MGAM: variants seen among roughly 807,000 people sequenced by gnomAD.
MGAM encodes maltase-glucoamylase, also known as alpha-1,4-glucosidase.
A neutral mutation model predicts 358.8 loss-of-function variants in MGAM; 253 were observed. The ratio of observed to expected loss-of-function variants is 0.71; its 90% CI spans 0.64 to 0.78. MGAM has a LOEUF of 0.78. Among genes scored for constraint, MGAM ranks in the 30% least tolerant of loss-of-function variants. The pLI, the probability that MGAM is intolerant of heterozygous loss-of-function variation, is 0.00. For synonymous variants in MGAM, 1,105 were observed against 1,227.1 expected (o/e 0.90, Z 2.08); for missense variants, 3,080 against 3,432.6 (o/e 0.90, Z 2.57).
Position 142,099,792 on chromosome 7 carries a change from A to G in MGAM, c.7874+55A>G, listed in dbSNP as rs139665007. 7.1e-4 allele frequency: 1,136 copies of G among 1,592,868 alleles called. 11 individuals carry two copies. In the African/African-American group the frequency reaches 0.013, roughly 19 times the overall value. On this transcript the variant is annotated intron_variant, in intron 67 of 70. Coordinates refer to ENST00000475668, the MANE Select transcript of MGAM (RefSeq NM_001365693.1). ...CATGTCAGTTAGCTCAACAATTTGT[A>G]ATGAAGTCCACCAAAATGTAAGCAT...
Position 142,086,322 on chromosome 7 carries a change from G to A in MGAM, c.6741G>A (p.Trp2247Ter). 2 of 1,529,958 alleles carry A rather than the reference G, an allele frequency of 1.3e-6. No individual in the cohort carries two copies. The highest frequency in any genetic ancestry group is 1.8e-6 in the Non-Finnish European group (2 of 1,117,174). 94.8% of individuals were successfully genotyped at this position (1,529,958 alleles called of 1,614,324 possible). A position where few individuals can be genotyped will look rare whatever the true frequency, so the allele number is the denominator to read the frequency against. Residue 2247 changes from tryptophan (W) to a stop codon, truncating the protein, a stop_gained, in exon 56 of 71, where the codon TGG (tryptophan) becomes TGA (stop). Coordinates refer to ENST00000475668, the MANE Select transcript of MGAM (RefSeq NM_001365693.1). LOFTEE classifies it high-confidence loss of function. ...IKYPNDGDIV[W>*]GKVWPDFPDV... The stretch of plus-strand genomic sequence containing the variant: ...ACCCAAATGATGGAGACATTGTCTG[G>A]GGAAAGGTATAATCCTAAGCGATGA...
At chr7:142,096,789 T>C (rs537022924) in intron 65 of MGAM, among the ~76,000 whole-genome samples, 1 of 152,342 alleles carries the variant, frequency 6.6e-6, no homozygotes. Context: ...TGCTTGGCAA[T>C]GTGTGTGTAC....
chr7:142,060,229 G>A (rs1295391057), intron 33 of MGAM, 82 bp from the exon 34 acceptor site: 16 of 1,556,322 alleles, frequency 1.0e-5, no homozygotes, highest in African/African-American at 2.7e-5. Context: ...CTAGGAGCAC[G>A]GTTTGTATAA....
intron 7 of MGAM, among the ~76,000 whole-genome samples, chr7:142,023,955 T>C (rs10269815): frequency 0.027 from 4,158 of 152,192 alleles, 141 homozygotes; most frequent in African/African-American, 0.076. Flanking sequence ...CATTTAGGGC[T>C]GGGAGCAGTG....
intron 40 of MGAM, 46 bp downstream of exon 40, chr7:142,065,877 A>G: frequency 7.3e-7 from 1 of 1,374,358 alleles, no homozygotes; most frequent in Non-Finnish European, 1.0e-6. Flanking sequence ...CACTTGAAAG[A>G]CAGTCTCCAT....
At chr7:142,043,625 A>G (rs1474951771) in intron 21 of MGAM, among the ~76,000 whole-genome samples, 1 of 118,734 alleles carries the variant, frequency 8.4e-6, no homozygotes, top group African/African-American at 4.3e-5. Context: ...TATAATACAT[A>G]TATTATATAT....
In MGAM at chr7:142,027,729, C is replaced by A. The variant is rs782023967; in HGVS notation, c.1215C>A (p.Leu405=). ...EVVERNRAAQ[L]PYDVQHADID... is the part of the protein sequence containing the mutation. ...TGGAGAGAAATCGCGCAGCACAGCT[C>A]CCTTATGTAAGCAAGGTTTTCAACA... The change falls in exon 10 of 71, where the codon CTC becomes CTA. Residue 405 remains leucine, a synonymous_variant. Transcript: ENST00000475668. The A allele has an allele frequency of 1.9e-6, 3 of 1,603,402 alleles. No homozygotes were observed. The highest frequency in any genetic ancestry group is 2.6e-6 in the Non-Finnish European group (3 of 1,174,808).
At chr7:142,008,852 C>A in intron 3 of MGAM, 147 bp downstream of exon 3, 2 of 841,938 alleles carry the variant, frequency 2.4e-6, no homozygotes. Context: ...GCAAATTAAC[C>A]TGTGTCCATG....
chr7:141,991,206 G>A (rs1259103608), upstream of MGAM, among the ~76,000 whole-genome samples: 1 of 152,204 alleles, frequency 6.6e-6, no homozygotes, highest in Non-Finnish European at 1.5e-5. Flanking sequence ...ATTTAGCATA[G>A]AACATAGGCC....
chr7:141,989,429 T>G (rs1803847560), intron 2 of MGAM, among the ~76,000 whole-genome samples: 3 of 152,164 alleles, frequency 2.0e-5, no homozygotes, highest in Admixed American at 2.0e-4. Flanking sequence ...CATCCCTGAT[T>G]TCCAGATAAG....
At chr7:142,082,725 A>C (rs1214934291) in intron 52 of MGAM, among the ~76,000 whole-genome samples, 154 bp downstream of exon 52, 2 of 146,162 alleles carry the variant, frequency 1.4e-5, no homozygotes, top group East Asian at 4.0e-4. Context: ...CTTTCTGTTC[A>C]TTTCAGTCTA....
At chr7:142,057,708 CACTT>C (rs1409560314) in intron 30 of MGAM, among the ~76,000 whole-genome samples, 2 of 152,108 alleles carry the variant, frequency 1.3e-5, no homozygotes, top group East Asian at 1.9e-4. Context: ...CAACAACAGA[CACTT>C]ACATACTACC....
rs553364005 is a variant in MGAM, at chr7:142,101,037, T to C, written c.7963+147T>C. ...GTTAATTCAAGGGTATAATCCATAT[T>C]GGACATGATCTTTATTCCTCATGTA... On this transcript the variant is annotated intron_variant, in intron 68 of 70. Transcript: ENST00000475668. The C allele has an allele frequency of 6.7e-6, 5 of 749,784 alleles. No homozygotes were observed. The South Asian group carries it at 9.6e-5, about 14-fold the overall frequency. The allele number at this position is 749,784 out of a possible 1,614,324, so 46.4% of individuals were successfully genotyped here. A position where few individuals can be genotyped will look rare whatever the true frequency, so the allele number is the denominator to read the frequency against.
chr7:142,060,427 C>T, intron 34 of MGAM, 54 bp downstream of exon 34: 1 of 1,586,922 alleles, frequency 6.3e-7, no homozygotes, highest in South Asian at 1.1e-5. Context: ...GCAGGGGCAG[C>T]TGTTCCTGGG....
chr7:142,103,314 A>G lies in MGAM; in HGVS notation c.8059A>G (p.Thr2687Ala), dbSNP rs760153555. 6.2e-7 allele frequency: 1 copy of G among 1,613,044 alleles called. No individual in the cohort carries two copies. The highest frequency in any genetic ancestry group is 1.7e-5 in the Admixed American group (1 of 59,828). The change falls in exon 70 of 71, where the codon ACA becomes GCA. Residue 2687 changes from threonine to alanine, a missense_variant. Transcript: ENST00000475668. Reference sequence around the variant, plus strand: ...AATTTTCAACAATTACATCACTGGTACAAATCCTTTGAAACTGGGCTACAT... The same window carrying G: ...AATTTTCAACAATTACATCACTGGTGCAAATCCTTTGAAACTGGGCTACAT... ...HIIFNNYITG[T>A]NPLKLGYIEI...
chr7:142,082,708 GT>G (rs982629567), intron 52 of MGAM, 137 bp downstream of exon 52: 2 of 730,686 alleles, frequency 2.7e-6, no homozygotes, highest in South Asian at 1.9e-5. Flanking sequence ...TTTTCTTTGT[GT>G]TTAGCCTTTC....
At position 142,066,751 on chromosome 7, in the gene MGAM, A is replaced by G. The variant is rs759934002; in HGVS notation, c.4919+30A>G. On this transcript the variant is annotated intron_variant, in intron 41 of 70. Coordinates refer to ENST00000475668, the MANE Select transcript of MGAM (RefSeq NM_001365693.1). ...GTGTCCAGCAGGGATCCCGATGACT[A>G]ATGGATGACTTATTGCATTCTATGT... 10 of 1,541,454 alleles carry G rather than the reference A, an allele frequency of 6.5e-6. 3 individuals carry two copies. Among genetic ancestry groups the G allele is most frequent in the Admixed American group, 1.8e-5 (1 of 56,182 alleles).
chr7:142,063,294 A>G (rs1339200390), intron 35 of MGAM, among the ~76,000 whole-genome samples: 7 of 151,652 alleles, frequency 4.6e-5, no homozygotes, highest in African/African-American at 1.5e-4. Context: ...AAAGAGATCT[A>G]TTTTTTTACC....
rs754625221 is a variant in MGAM at position 142,076,485 on chromosome 7, A to G, written c.5326-174A>G. The G allele has an allele frequency of 6.4e-5, 55 of 864,342 alleles. 4 individuals carry two copies. The African/African-American group carries it at 6.9e-4, about 11-fold the overall frequency. The allele number at this position is 864,342 out of a possible 1,614,324, so 53.5% of individuals were successfully genotyped here. A position where few individuals can be genotyped will look rare whatever the true frequency, so the allele number is the denominator to read the frequency against. On this transcript the variant is annotated intron_variant, in intron 46 of 70. Transcript: ENST00000475668. Reference sequence around the variant, plus strand: ...CTGTGTGTTTTTATGATTGTATCAAATTAGAGGATTATCAAACTAATGTTG... The same window carrying G: ...CTGTGTGTTTTTATGATTGTATCAAGTTAGAGGATTATCAAACTAATGTTG...
Sources: gnomAD v4.1 joint callset for allele counts (sites outside exome capture counted in the v4.1 genomes callset) on GRCh38, gnomAD v4.1.1 for gene constraint, MANE v1.5 for transcripts, NCBI Gene and HGNC (gene_info 2026-07-23, HGNC 2026-07-21) for gene names.